CADM2: variants seen among roughly 807,000 people sequenced by gnomAD.
The protein encoded by CADM2 is cell adhesion molecule 2, also known as immunoglobulin superfamily member 4D.
A neutral mutation model predicts 49.8 loss-of-function variants in CADM2; 12 were observed. The observed-to-expected ratio is 0.24, with a 90% CI of 0.15 to 0.39. The LOEUF is 0.39. Among genes scored for constraint, CADM2 ranks in the 10% least tolerant of loss-of-function variants. The pLI is 1.00. For synonymous variants in CADM2, 214 were observed against 175.4 expected (o/e 1.22, Z -1.74); for missense variants, 378 against 492.3 (o/e 0.77, Z 2.20).
chr3:85,721,733 C>T (rs780906539), intron 1 of CADM2, among the ~76,000 whole-genome samples: 1 of 152,206 alleles, frequency 6.6e-6, no homozygotes, highest in Admixed American at 6.5e-5. Context: ...GTGGGAGCCA[C>T]AGCCCTGGAA....
chr3:85,407,830 A>G (rs2035460978), intron 1 of CADM2, among the ~76,000 whole-genome samples: 1 of 151,842 alleles, frequency 6.6e-6, no homozygotes, highest in African/African-American at 2.4e-5. Flanking sequence ...AAAAATGAAA[A>G]ACAAAACAAA....
chr3:85,021,514 C>T (rs1024270830), intron 1 of CADM2, among the ~76,000 whole-genome samples: 1 of 151,876 alleles, frequency 6.6e-6, no homozygotes, highest in African/African-American at 2.4e-5. Context: ...GTGACTCACA[C>T]CTGTAATCCC....
chr3:85,660,431 C>T lies in CADM2; in HGVS notation c.62-66091C>T, dbSNP rs1408756939. Among the ~76,000 whole-genome samples the T allele has an allele frequency of 7.3e-5, 10 of 136,552 alleles. No individual in the cohort carries two copies. The East Asian group carries it at 9.4e-4, about 13-fold the overall frequency. 89.6% of individuals were successfully genotyped at this position (136,552 alleles called of 152,430 possible). A position where few individuals can be genotyped will look rare whatever the true frequency, so the allele number is the denominator to read the frequency against. On this transcript the variant is annotated intron_variant, in intron 1 of 9. Coordinates refer to ENST00000383699, the MANE Select transcript of CADM2 (RefSeq NM_001167675.2). ...GATCAAAGGAATTTATTAGGCTTTT[C>T]GCTCTCCTGTTTTTTTTTTTTTTAG...
intron 8 of CADM2, among the ~76,000 whole-genome samples, chr3:86,017,317 G>A (rs1040209622): frequency 3.3e-5 from 5 of 151,752 alleles, no homozygotes; most frequent in African/African-American, 1.2e-4. Flanking sequence ...TTATTCCTAA[G>A]CTCCTAGACA....
chr3:85,808,540 G>A (rs1477450562), intron 3 of CADM2, among the ~76,000 whole-genome samples: 4 of 152,106 alleles, frequency 2.6e-5, no homozygotes, highest in Non-Finnish European at 4.4e-5. Context: ...TTAATGCTCA[G>A]GAAAGAACAC....
chr3:85,750,790 G>C (rs1278579381), intron 2 of CADM2, among the ~76,000 whole-genome samples: 1 of 151,658 alleles, frequency 6.6e-6, no homozygotes, highest in Non-Finnish European at 1.5e-5. Context: ...CCTAAGCTAG[G>C]GTCCTCCATG....
chr3:85,060,740 TG>T (rs1310365127), intron 1 of CADM2, among the ~76,000 whole-genome samples: 2 of 152,130 alleles, frequency 1.3e-5, no homozygotes, highest in Non-Finnish European at 2.9e-5. Flanking sequence ...TTTATGGGTC[TG>T]GTGTGGTGGC....
intron 6 of CADM2, among the ~76,000 whole-genome samples, chr3:85,917,715 G>A (rs1378486006): frequency 2.0e-5 from 3 of 152,162 alleles, no homozygotes; most frequent in Admixed American, 1.3e-4. Flanking sequence ...AAAGTCATTG[G>A]TAGCTTGATG....
intron 2 of CADM2, among the ~76,000 whole-genome samples, chr3:85,791,999 AGGCAT>A (rs2108035097): frequency 6.6e-6 from 1 of 152,306 alleles, no homozygotes; most frequent in African/African-American, 2.4e-5. Context: ...CTGGGATTAC[AGGCAT>A]AAGCCACCGC....
At chr3:86,014,690 T>C in intron 8 of CADM2, 2 of 1,538,712 alleles carry the variant, frequency 1.3e-6, no homozygotes, top group Non-Finnish European at 1.8e-6. Flanking sequence ...TCAAATTCAA[T>C]ACACCGGAGG....
chr3:85,361,575 A>G (rs955282386), intron 1 of CADM2, among the ~76,000 whole-genome samples: 7 of 152,334 alleles, frequency 4.6e-5, no homozygotes, highest in Admixed American at 4.6e-4. Flanking sequence ...GTTCAACAAA[A>G]TAGAAGCTTT....
chr3:85,400,233 T>C (rs537754814), intron 1 of CADM2, among the ~76,000 whole-genome samples: 1 of 152,314 alleles, frequency 6.6e-6, no homozygotes, highest in Admixed American at 6.5e-5. Flanking sequence ...TTGGTTCTGT[T>C]TATATGCTGG....
At chr3:85,566,784 T>A (rs1239927978) in intron 1 of CADM2, among the ~76,000 whole-genome samples, 1 of 152,180 alleles carries the variant, frequency 6.6e-6, no homozygotes, top group Non-Finnish European at 1.5e-5. Context: ...ATCAAGTGAA[T>A]TGCAATTGAA....
intron 1 of CADM2, among the ~76,000 whole-genome samples, chr3:85,232,125 G>T (rs892317871): frequency 7.8e-6 from 1 of 128,704 alleles, no homozygotes; most frequent in African/African-American, 3.2e-5. Flanking sequence ...TATTTTGTTC[G>T]ATTTGAAGAT....
intron 1 of CADM2, among the ~76,000 whole-genome samples, chr3:84,997,862 CA>C (rs1417354714): frequency 6.6e-6 from 1 of 152,016 alleles, no homozygotes; most frequent in African/African-American, 2.4e-5. Flanking sequence ...GTGGCACTAT[CA>C]ATATAAGAAA....
At chr3:85,210,958 T>C (rs1395651129) in intron 1 of CADM2, among the ~76,000 whole-genome samples, 2 of 152,218 alleles carry the variant, frequency 1.3e-5, no homozygotes, top group Non-Finnish European at 2.9e-5. Context: ...TCAATCTCAT[T>C]ACTTGTCATT....
intron 1 of CADM2, among the ~76,000 whole-genome samples, chr3:84,987,628 G>A (rs2032650673): frequency 6.6e-6 from 1 of 152,102 alleles, no homozygotes; most frequent in Non-Finnish European, 1.5e-5. Context: ...TTCAGTCAGT[G>A]GAGTGAACTG....
intron 3 of CADM2, among the ~76,000 whole-genome samples, chr3:85,882,613 T>A (rs1484319155): frequency 6.6e-6 from 1 of 152,172 alleles, no homozygotes; most frequent in East Asian, 1.9e-4. Context: ...TTTAATGCTT[T>A]TGTTTTTCTC....
At chr3:85,377,584 A>G (rs1170265084) in intron 1 of CADM2, among the ~76,000 whole-genome samples, 1 of 152,110 alleles carries the variant, frequency 6.6e-6, no homozygotes, top group Admixed American at 6.6e-5. Flanking sequence ...AAGTTGCCCA[A>G]TGGAAACATG....
Sources: allele counts gnomAD v4.1 joint callset (sites outside exome capture counted in the v4.1 genomes callset), GRCh38; gene constraint gnomAD v4.1.1; transcripts MANE v1.5; gene names NCBI Gene and HGNC (gene_info 2026-07-23, HGNC 2026-07-21).